The following ST8SIA4 variants were observed in gnomAD, a reference collection of about 807,000 sequenced individuals.
The protein encoded by ST8SIA4 is CMP-N-acetylneuraminate-poly-alpha-2,8-sialyltransferase.
ST8SIA4 carries 15 observed loss-of-function variants against 33.9 expected under a neutral mutation model. The ratio of observed to expected loss-of-function variants is 0.44; its 90% CI spans 0.30 to 0.68. ST8SIA4 has a LOEUF of 0.68. Ranked by LOEUF, ST8SIA4 falls within the 30% of genes least tolerant of loss-of-function variation. ST8SIA4 has a pLI of 0.10. For synonymous variants in ST8SIA4, 171 were observed against 151.2 expected (o/e 1.13, Z -0.96); for missense variants, 321 against 428.0 (o/e 0.75, Z 2.21).
chr5:100,828,628 C>T (rs1751191289), intron 4 of ST8SIA4, among the ~76,000 whole-genome samples: 1 of 152,158 alleles, frequency 6.6e-6, no homozygotes, highest in African/African-American at 2.4e-5. Context: ...CCATAGACAT[C>T]TCTAGGGCTA....
intron 4 of ST8SIA4, among the ~76,000 whole-genome samples, chr5:100,847,245 A>T (rs1167605455): frequency 6.6e-6 from 1 of 152,056 alleles, no homozygotes; most frequent in African/African-American, 2.4e-5. Context: ...TGGAGTGAAT[A>T]TTCTCTTTTC....
chr5:100,808,422 C>G lies in ST8SIA4; in HGVS notation c.*3425G>C, dbSNP rs1409524717. 1 of 152,624 alleles carries G rather than the reference C, an allele frequency of 6.6e-6. No individual in the cohort carries two copies. The highest frequency in any genetic ancestry group is 1.5e-5 in the Non-Finnish European group (1 of 68,022). 9.5% of individuals were successfully genotyped at this position (152,624 alleles called of 1,614,324 possible). Reference sequence around the variant, plus strand: ...TTAGATTTGCCAAGAAAATCTATTACTTGCTCACTTTTTATTTCAGCAACT... The same window carrying G: ...TTAGATTTGCCAAGAAAATCTATTAGTTGCTCACTTTTTATTTCAGCAACT... On this transcript the variant is annotated 3_prime_UTR_variant, in exon 5 of 5. Coordinates refer to ENST00000231461, the MANE Select transcript of ST8SIA4 (RefSeq NM_005668.6).
chr5:100,844,377 TAC>T (rs1024543459), intron 4 of ST8SIA4, among the ~76,000 whole-genome samples: 1 of 151,534 alleles, frequency 6.6e-6, no homozygotes, highest in Admixed American at 6.6e-5. Flanking sequence ...GAAGGGAGAG[TAC>T]AAGCACCTAC....
intron 4 of ST8SIA4, among the ~76,000 whole-genome samples, chr5:100,812,516 A>G (rs1436947098): frequency 1.3e-5 from 2 of 152,098 alleles, no homozygotes; most frequent in African/African-American, 2.4e-5. Context: ...TCCTCCCAGA[A>G]AAAAAAGTTT....
intron 1 of ST8SIA4, among the ~76,000 whole-genome samples, chr5:100,901,842 C>G (rs1179180622): frequency 6.6e-6 from 1 of 152,120 alleles, no homozygotes; most frequent in Non-Finnish European, 1.5e-5. Flanking sequence ...TGTTAGCAGT[C>G]CCATCTCTCT....
At chr5:100,894,652 G>A (rs1182786374) in intron 2 of ST8SIA4, among the ~76,000 whole-genome samples, 1 of 151,976 alleles carries the variant, frequency 6.6e-6, no homozygotes, top group East Asian at 1.9e-4. Flanking sequence ...CCAAAACATT[G>A]TGTGAAATTT....
In ST8SIA4 at chr5:100,902,388, A is replaced by G. The variant is rs142397589; in HGVS notation, c.113+455T>C. ...CAAATAGAAAAAAAAAAAGTAGAGA[A>G]ACAGAGTATACCTATTTCCTGCTTT... is the stretch of plus-strand genomic sequence containing the variant. On this transcript the variant is annotated intron_variant, in intron 1 of 4. Transcript: ENST00000231461. Among the ~76,000 whole-genome samples the G allele has an allele frequency of 5.6e-3, 849 of 152,278 alleles. 4 individuals are homozygous for G. Among genetic ancestry groups the G allele is most frequent in the African/African-American group, 0.015 (629 of 41,552 alleles).
chr5:100,862,473 C>A (rs4703128), intron 3 of ST8SIA4, among the ~76,000 whole-genome samples: 42,566 of 151,816 alleles, frequency 0.28, 6,209 homozygotes, highest in Non-Finnish European at 0.32. Flanking sequence ...ATATCGGCTC[C>A]CTCCTATCTC....
intron 4 of ST8SIA4, among the ~76,000 whole-genome samples, chr5:100,836,995 A>AACACACACACACACACACACAC (rs143119843): frequency 6.8e-6 from 1 of 146,298 alleles, no homozygotes; most frequent in African/African-American, 2.5e-5. Context: ...TTAGTGCTAA[A>AACACACACACACACACACACAC]ACACACACAC....
At chr5:100,845,129 C>T (rs1336384255) in intron 4 of ST8SIA4, among the ~76,000 whole-genome samples, 2 of 152,028 alleles carry the variant, frequency 1.3e-5, no homozygotes, top group African/African-American at 4.8e-5. Flanking sequence ...TGATCAACCA[C>T]ATGAGACACT....
At chr5:100,877,911 T>C in intron 3 of ST8SIA4, among the ~76,000 whole-genome samples, 1 of 152,202 alleles carries the variant, frequency 6.6e-6, no homozygotes, top group East Asian at 1.9e-4. Context: ...TGGATTCTGT[T>C]TTACTCCTCC....
At chr5:100,886,188 G>A in intron 3 of ST8SIA4, 155 bp downstream of exon 3, 6 of 1,428,574 alleles carry the variant, frequency 4.2e-6, no homozygotes, top group Non-Finnish European at 5.5e-6. Context: ...TCTATTCCAG[G>A]GTAAATGTAA....
chr5:100,869,385 C>A (rs1057234859), intron 3 of ST8SIA4, among the ~76,000 whole-genome samples: 1 of 152,078 alleles, frequency 6.6e-6, no homozygotes. Context: ...TTGCTAATGT[C>A]CATTTCATGT....
chr5:100,821,629 TG>T (rs1751032141), intron 4 of ST8SIA4, among the ~76,000 whole-genome samples: 1 of 143,778 alleles, frequency 7.0e-6, no homozygotes, highest in South Asian at 2.4e-4. Flanking sequence ...ACAACAAATG[TG>T]ATCTATATTC....
At chr5:100,847,602 G>A (rs899772085) in intron 4 of ST8SIA4, among the ~76,000 whole-genome samples, 1 of 152,012 alleles carries the variant, frequency 6.6e-6, no homozygotes, top group African/African-American at 2.4e-5. Context: ...AAAGTTGATG[G>A]ATGATGTGTG....
intron 4 of ST8SIA4, among the ~76,000 whole-genome samples, chr5:100,839,636 A>G (rs1167589368): frequency 6.6e-6 from 1 of 151,984 alleles, no homozygotes. Context: ...AAGATCTGTG[A>G]TAACTTATAT....
At chr5:100,894,215 G>C (rs1752733141) in intron 2 of ST8SIA4, among the ~76,000 whole-genome samples, 1 of 152,122 alleles carries the variant, frequency 6.6e-6, no homozygotes, top group African/African-American at 2.4e-5. Context: ...GAAGAGTACA[G>C]ATTCAGAGTT....
chr5:100,843,251 A>G (rs1260251839), intron 4 of ST8SIA4, among the ~76,000 whole-genome samples: 1 of 151,896 alleles, frequency 6.6e-6, no homozygotes, highest in East Asian at 1.9e-4. Flanking sequence ...TTAAATGACT[A>G]ATTAGAGAAT....
intron 4 of ST8SIA4, among the ~76,000 whole-genome samples, chr5:100,853,524 T>A (rs557470928): frequency 1.1e-4 from 16 of 152,298 alleles, no homozygotes; most frequent in Non-Finnish European, 1.8e-4. Flanking sequence ...TAATTCATAG[T>A]AACCAAAAAA....
Sources: allele counts gnomAD v4.1 joint callset (sites outside exome capture counted in the v4.1 genomes callset), GRCh38; gene constraint gnomAD v4.1.1; transcripts MANE v1.5; gene names NCBI Gene and HGNC (gene_info 2026-07-23, HGNC 2026-07-21).